Variants in ANKRD28 observed in about 807,000 individuals in gnomAD.
ANKRD28 encodes serine/threonine-protein phosphatase 6 regulatory ankyrin repeat subunit A.
In ANKRD28, 44 loss-of-function variants were observed where a neutral mutation model predicts 126.5. That is an observed-to-expected ratio of 0.35 (90% CI 0.27 to 0.45). ANKRD28 has a LOEUF of 0.45. ANKRD28 is among the 20% of genes least tolerant of loss of function. The probability of loss-of-function intolerance (pLI) is 1.00; values close to 1 mark genes in which losing one functional copy is unlikely to be tolerated. For missense variants in ANKRD28, 1,110 were observed against 1,316.6 expected, an observed-to-expected ratio of 0.84 and a Z score of 2.43; for synonymous variants, 442 against 468.5, an observed-to-expected ratio of 0.94 and a Z score of 0.73.
At chr3:15,754,163 G>A (rs2125403430) in intron 3 of ANKRD28, among the ~76,000 whole-genome samples, 1 of 152,140 alleles carries the variant, frequency 6.6e-6, no homozygotes, top group South Asian at 2.1e-4. Flanking sequence ...AATATTAAAG[G>A]GAAAATTCCA....
At position 15,787,820 on chromosome 3, in the gene ANKRD28, A is replaced by G. The variant is rs571915611; in HGVS notation, c.201+7403T>C. ...TGTATTTGCTGAGCACTTCATGTGA[A>G]AAATGTAAAATGAACATCATTTCAA... On this transcript the variant is annotated intron_variant, in intron 2 of 27. Coordinates refer to ENST00000683139, the MANE Select transcript of ANKRD28 (RefSeq NM_001349278.2). Among the ~76,000 whole-genome samples, 30 of 152,320 alleles carry G rather than the reference A, an allele frequency of 2.0e-4. No homozygotes were observed. In the South Asian group the frequency reaches 6.0e-3, roughly 30 times the overall value.
rs577731345 is a variant in ANKRD28 at position 15,810,188 on chromosome 3, A to T, written c.28-14882T>A. 3.9e-5 allele frequency among the ~76,000 whole-genome samples: 6 copies of T among 152,326 alleles called. No homozygotes were observed. The South Asian group carries it at 1.2e-3, about 32-fold the overall frequency. ...AATAAGGTGATACTAAAGGCAGAGA[A>T]AACAGTCAGTAGGCTATCACAATTA... On this transcript the variant is annotated intron_variant, in intron 1 of 27. Transcript: ENST00000399451.
chr3:15,683,247 G>A (rs2067729887), intron 21 of ANKRD28, among the ~76,000 whole-genome samples: 1 of 152,080 alleles, frequency 6.6e-6, no homozygotes, highest in Non-Finnish European at 1.5e-5. Flanking sequence ...TTATCTCACT[G>A]ACTTTTTTAC....
rs570904209 is a variant in ANKRD28, at chr3:15,685,524, A to G, written c.2170-79T>C. On this transcript the variant is annotated intron_variant, in intron 20 of 27. Coordinates refer to ENST00000683139, the MANE Select transcript of ANKRD28 (RefSeq NM_001349278.2). ...CCAATTTCAGCTAATTAAAAACTTTAAAGACCATACTCTCCATATCCTTCC... is the reference window on the plus strand; with the variant it reads ...CCAATTTCAGCTAATTAAAAACTTTGAAGACCATACTCTCCATATCCTTCC... The G allele has an allele frequency of 4.6e-6, 6 of 1,297,092 alleles. No individual in the cohort carries two copies. In the East Asian group the frequency reaches 1.4e-4, roughly 30 times the overall value. The allele number at this position is 1,297,092 out of a possible 1,614,324, so 80.3% of individuals were successfully genotyped here. A position where few individuals can be genotyped will look rare whatever the true frequency, so the allele number is the denominator to read the frequency against.
At chr3:15,726,640 T>C (rs1036124600) in intron 6 of ANKRD28, among the ~76,000 whole-genome samples, 4 of 152,226 alleles carry the variant, frequency 2.6e-5, no homozygotes, top group Non-Finnish European at 4.4e-5. Flanking sequence ...GCTGATGTAT[T>C]AATAGAAGCT....
chr3:15,807,725 T>C (rs1177978009), intron 1 of ANKRD28, among the ~76,000 whole-genome samples: 1 of 152,180 alleles, frequency 6.6e-6, no homozygotes, highest in Non-Finnish European at 1.5e-5. Flanking sequence ...GCTGAAGATA[T>C]TGTCTGAAAA....
At chr3:15,849,862 A>G (rs1312791687) in intron 1 of ANKRD28, among the ~76,000 whole-genome samples, 1 of 152,132 alleles carries the variant, frequency 6.6e-6, no homozygotes, top group Non-Finnish European at 1.5e-5. Context: ...ATGTATACGG[A>G]AAACTTATTA....
upstream of ANKRD28, among the ~76,000 whole-genome samples, chr3:15,800,668 T>C (rs2060444973): frequency 6.6e-6 from 1 of 152,052 alleles, no homozygotes; most frequent in African/African-American, 2.4e-5. Context: ...AAGCACATAC[T>C]AAGTGTTAAT....
chr3:15,841,595 A>T (rs1489572929), intron 1 of ANKRD28, among the ~76,000 whole-genome samples: 1 of 152,196 alleles, frequency 6.6e-6, no homozygotes, highest in Non-Finnish European at 1.5e-5. Context: ...AAAAAACCTA[A>T]TAACCCAATA....
chr3:15,692,416 C>T (rs1213914131), intron 17 of ANKRD28, among the ~76,000 whole-genome samples: 5 of 152,100 alleles, frequency 3.3e-5, no homozygotes, highest in Admixed American at 6.5e-5. Context: ...TGCCACTACA[C>T]TCCAGCCTGG....
intron 11 of ANKRD28, among the ~76,000 whole-genome samples, chr3:15,711,825 T>A (rs2072323922): frequency 6.6e-6 from 1 of 151,894 alleles, no homozygotes; most frequent in Admixed American, 6.6e-5. Context: ...TAGCTGGGAT[T>A]ACAGGTGCTC....
At chr3:15,681,714 G>A (rs932456809) in intron 21 of ANKRD28, among the ~76,000 whole-genome samples, 6 of 152,136 alleles carry the variant, frequency 3.9e-5, no homozygotes, top group Non-Finnish European at 8.8e-5. Flanking sequence ...TCTTTTGTCA[G>A]TTCTTTTCTC....
intron 18 of ANKRD28, among the ~76,000 whole-genome samples, chr3:15,687,344 T>C (rs1448751358): frequency 3.3e-5 from 5 of 151,962 alleles, no homozygotes; most frequent in Non-Finnish European, 7.4e-5. Context: ...TATATATATA[T>C]ATACATACAG....
rs1016109034 is a variant in ANKRD28 at position 15,685,879 on chromosome 3, A to G, written c.2169+123T>C. On this transcript the variant is annotated intron_variant, in intron 20 of 27. Coordinates refer to ENST00000683139, the MANE Select transcript of ANKRD28 (RefSeq NM_001349278.2). ...TAGCATTTAAAAACTAAGATACTGA[A>G]AGAAATGGTAAAGACTATTTGACGA... 10 of 744,202 alleles carry G rather than the reference A, an allele frequency of 1.3e-5. No homozygotes were observed. In the African/African-American group the frequency reaches 1.8e-4, roughly 13 times the overall value. The allele number at this position is 744,202 out of a possible 1,614,324, so 46.1% of individuals were successfully genotyped here.
Position 15,667,386 on chromosome 3 carries a change from C to T in ANKRD28, c.*2884G>A, listed in dbSNP as rs891673496. 6.6e-5 allele frequency: 10 copies of T among 152,204 alleles called. No homozygotes were observed. Among genetic ancestry groups the T allele is most frequent in the African/African-American group, 2.4e-4 (10 of 41,450 alleles). 9.4% of individuals were successfully genotyped at this position (152,204 alleles called of 1,614,324 possible). A position where few individuals can be genotyped will look rare whatever the true frequency, so the allele number is the denominator to read the frequency against. On this transcript the variant is annotated 3_prime_UTR_variant, in exon 28 of 28. Coordinates refer to ENST00000683139, the MANE Select transcript of ANKRD28 (RefSeq NM_001349278.2). ...TAAAGGAGGTCATTTGCTATTACCA[C>T]CATTTCACCCAAAGTAGTTCTAGAG...
At chr3:15,775,948 A>G (rs559777076) in intron 2 of ANKRD28, among the ~76,000 whole-genome samples, 15 of 152,294 alleles carry the variant, frequency 9.8e-5, no homozygotes, top group African/African-American at 3.1e-4. Flanking sequence ...GAAAAGTTCA[A>G]GCCCTCTAAT....
intron 3 of ANKRD28, among the ~76,000 whole-genome samples, chr3:15,762,874 A>AT (rs1233290340): frequency 2.0e-5 from 3 of 152,120 alleles, no homozygotes; most frequent in Non-Finnish European, 4.4e-5. Context: ...TATTATTCCC[A>AT]TTTTTTTAGA....
At chr3:15,841,934 A>C (rs561822584) in intron 1 of ANKRD28, among the ~76,000 whole-genome samples, 1 of 152,092 alleles carries the variant, frequency 6.6e-6, no homozygotes, top group African/African-American at 2.4e-5. Context: ...TCTGCTTGGT[A>C]TAACCCAAAG....
Position 15,712,050 on chromosome 3 carries a change from G to A in ANKRD28, c.1273+90C>T. ...TAAATTATCCATACTGGACCCATCT[G>A]CATTAATTTTTAAAAAGCAGGATAG... is the stretch of plus-strand genomic sequence containing the variant. On this transcript the variant is annotated intron_variant, in intron 11 of 27. Transcript: ENST00000683139. The A allele has an allele frequency of 4.1e-6, 4 of 982,230 alleles. No homozygotes were observed. In the South Asian group the frequency reaches 4.2e-5, roughly 10 times the overall value. 60.8% of individuals were successfully genotyped at this position (982,230 alleles called of 1,614,324 possible). A position where few individuals can be genotyped will look rare whatever the true frequency, so the allele number is the denominator to read the frequency against.
Sources: gnomAD v4.1 joint callset for allele counts (sites outside exome capture counted in the v4.1 genomes callset) on GRCh38, gnomAD v4.1.1 for gene constraint, MANE v1.5 for transcripts, NCBI Gene and HGNC (gene_info 2026-07-23, HGNC 2026-07-21) for gene names.